The following GRIA4 variants were observed in gnomAD, a reference collection of about 807,000 sequenced individuals.
The protein encoded by GRIA4 is glutamate ionotropic receptor AMPA type subunit 4.
GRIA4 carries 34 observed loss-of-function variants against 104.0 expected under a neutral mutation model. That is an observed-to-expected ratio of 0.33 (90% CI 0.25 to 0.44). The LOEUF (loss-of-function observed/expected upper bound fraction) is 0.44, where lower values mean the gene tolerates loss of function less well. GRIA4 is among the 20% of genes least tolerant of loss of function. The pLI is 1.00. For missense variants in GRIA4, 750 were observed against 1,096.5 expected (o/e 0.68, Z 4.46); for synonymous variants, 386 against 381.9 (o/e 1.01, Z -0.13).
At chr11:105,786,380 G>A (rs1458813836) in intron 4 of GRIA4, among the ~76,000 whole-genome samples, 1 of 152,084 alleles carries the variant, frequency 6.6e-6, no homozygotes, top group Non-Finnish European at 1.5e-5. Flanking sequence ...CAATGTAGAT[G>A]TTTACATCTC....
At chr11:105,628,185 TCTC>T (rs1228546513) in intron 3 of GRIA4, among the ~76,000 whole-genome samples, 1 of 152,116 alleles carries the variant, frequency 6.6e-6, no homozygotes, top group Non-Finnish European at 1.5e-5. Flanking sequence ...GGTTATTCCT[TCTC>T]CTCAAAATAA....
At chr11:105,889,479 A>G (rs1037842259) in intron 6 of GRIA4, among the ~76,000 whole-genome samples, 2 of 152,210 alleles carry the variant, frequency 1.3e-5, no homozygotes, top group African/African-American at 4.8e-5. Flanking sequence ...ACTATTACTT[A>G]TAACACTAGA....
chr11:105,929,462 G>A (rs985226197), intron 13 of GRIA4, among the ~76,000 whole-genome samples: 3 of 152,076 alleles, frequency 2.0e-5, no homozygotes, highest in East Asian at 1.9e-4. Context: ...GTGCCATGGT[G>A]AGCCTAAATA....
At chr11:105,930,431 C>G (rs1170357992) in intron 13 of GRIA4, among the ~76,000 whole-genome samples, 1 of 152,006 alleles carries the variant, frequency 6.6e-6, no homozygotes, top group Non-Finnish European at 1.5e-5. Context: ...TTTAGCATAG[C>G]TACTCTGTGG....
intron 4 of GRIA4, among the ~76,000 whole-genome samples, chr11:105,784,726 T>G (rs1941881589): frequency 6.6e-6 from 1 of 152,190 alleles, no homozygotes; most frequent in Non-Finnish European, 1.5e-5. Context: ...CATTCAAAGT[T>G]CTAAACCTAC....
At chr11:105,768,404 A>T (rs1237037156) in intron 4 of GRIA4, among the ~76,000 whole-genome samples, 1 of 152,176 alleles carries the variant, frequency 6.6e-6, no homozygotes, top group Non-Finnish European at 1.5e-5. Flanking sequence ...AAATAAAGTG[A>T]TAAAATCAGG....
chr11:105,911,975 T>C, intron 10 of GRIA4: 5 of 1,478,110 alleles, frequency 3.4e-6, no homozygotes, highest in Non-Finnish European at 4.5e-6. Context: ...TGTTCTCCAG[T>C]GTAGTAAATT....
chr11:105,731,061 A>G (rs893504764), intron 3 of GRIA4, among the ~76,000 whole-genome samples: 1 of 152,226 alleles, frequency 6.6e-6, no homozygotes. Flanking sequence ...TCTGCACAGC[A>G]AAAGAAACTA....
intron 4 of GRIA4, among the ~76,000 whole-genome samples, chr11:105,831,742 A>T (rs962596030): frequency 2.0e-5 from 3 of 151,962 alleles, no homozygotes; most frequent in African/African-American, 7.2e-5. Context: ...AACCATTGAG[A>T]TAGGGGAGCA....
intron 14 of GRIA4, among the ~76,000 whole-genome samples, chr11:105,963,618 T>C (rs1948793942): frequency 6.6e-6 from 1 of 152,162 alleles, no homozygotes; most frequent in Admixed American, 6.5e-5. Context: ...AACTTATCTA[T>C]TGGTCCAGTG....
intron 3 of GRIA4, among the ~76,000 whole-genome samples, chr11:105,624,223 G>A (rs548508730): frequency 6.6e-6 from 1 of 152,238 alleles, no homozygotes; most frequent in African/African-American, 2.4e-5. Flanking sequence ...CGTACATTGT[G>A]CTGATCAGAT....
In GRIA4 at chr11:105,933,779, T is replaced by A. The variant is rs750746054; in HGVS notation, c.2104T>A (p.Ser702Thr). ...MWTYMRSAEP[S>T]VFTRTTAEGV... ...GACCTACATGCGATCAGCAGAGCCATCAGTATTCACTAGGACTACAGCTGA... is the reference window on the plus strand; with the variant it reads ...GACCTACATGCGATCAGCAGAGCCAACAGTATTCACTAGGACTACAGCTGA... Residue 702 changes from serine (S) to threonine (T), a missense_variant, in exon 14 of 17, where the codon TCA becomes ACA. Coordinates refer to ENST00000282499, the MANE Select transcript of GRIA4 (RefSeq NM_000829.4). 8 of 1,611,242 alleles carry A rather than the reference T, an allele frequency of 5.0e-6. No individual in the cohort carries two copies. In the South Asian group the frequency reaches 7.7e-5, roughly 15 times the overall value.
At position 105,918,906 on chromosome 11, in the gene GRIA4, A is replaced by T. The variant is rs1947481506; in HGVS notation, c.1464A>T (p.Glu488Asp). ...DTKIWNGMVG[E>D]LVYGKAEIAI... The stretch of plus-strand genomic sequence containing the variant: ...AAATCTGGAATGGGATGGTAGGAGA[A>T]CTTGTTTATGGGGTAAGCAAATCAA... The change falls in exon 11 of 17, where the codon GAA becomes GAT. Residue 488 changes from glutamate (E) to aspartate (D), a missense_variant. This residue lies in a region of GRIA4 where 272 missense variants were observed against 524.5 expected (regional missense o/e 0.52). Transcript: ENST00000282499. 1 of 1,596,030 alleles carries T rather than the reference A, an allele frequency of 6.3e-7. No individual in the cohort carries two copies. Among genetic ancestry groups the T allele is most frequent in the Non-Finnish European group, 8.6e-7 (1 of 1,163,944 alleles).
intron 10 of GRIA4, chr11:105,913,507 C>T (rs983939382): frequency 3.0e-5 from 20 of 667,544 alleles, no homozygotes; most frequent in Non-Finnish European, 3.5e-5. Context: ...AAGACTGTGA[C>T]CATATTGATT....
intron 4 of GRIA4, among the ~76,000 whole-genome samples, chr11:105,850,255 A>G (rs1016092621): frequency 1.3e-5 from 2 of 152,174 alleles, no homozygotes; most frequent in African/African-American, 4.8e-5. Context: ...CTTTTTTTGC[A>G]TTCATTATAA....
At position 105,787,454 on chromosome 11, in the gene GRIA4, A is replaced by T. The variant is rs1046825996; in HGVS notation, c.487+34234A>T. Reference sequence around the variant, plus strand: ...ACACAAGACAGACTAAAAGCAGTCTAAAAGATGTAAAGAATTCCTTTTTTT... The same window carrying T: ...ACACAAGACAGACTAAAAGCAGTCTTAAAGATGTAAAGAATTCCTTTTTTT... On this transcript the variant is annotated intron_variant, in intron 4 of 16. Transcript: ENST00000282499. 4.6e-5 allele frequency among the ~76,000 whole-genome samples: 7 copies of T among 150,566 alleles called. No individual in the cohort carries two copies. The Admixed American group carries it at 4.7e-4, about 10-fold the overall frequency.
chr11:105,615,885 C>A (rs970250435), intron 3 of GRIA4, among the ~76,000 whole-genome samples: 1 of 151,662 alleles, frequency 6.6e-6, no homozygotes, highest in Non-Finnish European at 1.5e-5. Flanking sequence ...AGTCCATCTC[C>A]AAATTTTGCA....
chr11:105,719,861 A>T (rs1285035283), intron 3 of GRIA4, among the ~76,000 whole-genome samples: 1 of 151,876 alleles, frequency 6.6e-6, no homozygotes, highest in Non-Finnish European at 1.5e-5. Flanking sequence ...TTCCTTTTCT[A>T]TACTGTATTT....
intron 4 of GRIA4, chr11:105,798,059 T>C (rs1246844368): frequency 6.3e-6 from 2 of 317,814 alleles, no homozygotes; most frequent in Admixed American, 8.6e-5. Flanking sequence ...AATAACAATA[T>C]GCATATATAT....
Sources: allele counts gnomAD v4.1 joint callset (sites outside exome capture counted in the v4.1 genomes callset), GRCh38; gene constraint gnomAD v4.1.1; regional missense constraint gnomAD v4.1.1; transcripts MANE v1.5; gene names NCBI Gene and HGNC (gene_info 2026-07-23, HGNC 2026-07-21).